Variants in DPYSL5 observed in about 807,000 individuals in gnomAD.
DPYSL5 encodes the protein dihydropyrimidinase like 5.
DPYSL5 carries 9 observed loss-of-function variants against 58.4 expected under a neutral mutation model. That is an observed-to-expected ratio of 0.15 (90% CI 0.09 to 0.27). The LOEUF is 0.27. Among genes scored for constraint, DPYSL5 ranks in the 10% least tolerant of loss-of-function variants. The pLI, the probability that DPYSL5 is intolerant of heterozygous loss-of-function variation, is 1.00. For missense variants in DPYSL5, 499 were observed against 770.6 expected (o/e 0.65, Z 4.17); for synonymous variants, 293 against 301.9 (o/e 0.97, Z 0.31).
rs563155853 is a variant in DPYSL5, at chr2:26,895,780, T to C, written c.-4-2716T>C. 5.6e-4 allele frequency among the ~76,000 whole-genome samples: 78 copies of C among 139,280 alleles called. No individual in the cohort carries two copies. In the South Asian group the frequency reaches 0.014, roughly 25 times the overall value. 91.4% of individuals were successfully genotyped at this position (139,280 alleles called of 152,430 possible). ...TCTGTTCTCTATTTCTTTTTCTTTT[T>C]TTTTTTTTTTTTTTTTTTGAGATGG... On this transcript the variant is annotated intron_variant, in intron 1 of 12. Coordinates refer to ENST00000288699, the MANE Select transcript of DPYSL5 (RefSeq NM_020134.4).
In DPYSL5 at chr2:26,944,217, G is replaced by A. The variant is rs1023524822; in HGVS notation, c.1441-439G>A. On this transcript the variant is annotated intron_variant, in intron 11 of 12. Transcript: ENST00000288699. The surrounding 1 kb of genome is among the most constrained non-coding windows in gnomAD (Gnocchi z 4.4). ...GGCAGGAGAATCACTTTGCGGGGGC[G>A]GAGGTTGCAGTGAGCCAAGATCGCA... is the stretch of plus-strand genomic sequence containing the variant. Among the ~76,000 whole-genome samples the A allele has an allele frequency of 6.6e-5, 10 of 152,094 alleles. No homozygotes were observed. Among genetic ancestry groups the A allele is most frequent in the African/African-American group, 1.7e-4 (7 of 41,434 alleles).
At chr2:26,890,201 T>A (rs889576011) in intron 1 of DPYSL5, among the ~76,000 whole-genome samples, 1 of 152,174 alleles carries the variant, frequency 6.6e-6, no homozygotes, top group African/African-American at 2.4e-5. Flanking sequence ...GTGTCCCCTT[T>A]ACACTTCAGT....
chr2:26,938,766 G>T (rs1039860942), intron 8 of DPYSL5: 5 of 152,222 alleles, frequency 3.3e-5, no homozygotes, highest in African/African-American at 1.2e-4. Context: ...AGGCTCTGGG[G>T]CCTCTTACAG....
chr2:26,931,951 T>TCCTGG (rs1665000634), intron 6 of DPYSL5, among the ~76,000 whole-genome samples: 2 of 131,830 alleles, frequency 1.5e-5, no homozygotes, highest in Admixed American at 1.8e-4. Flanking sequence ...GAGGTTGCAG[T>TCCTGG]GAGCCAAGAT....
Position 26,947,209 on chromosome 2 carries a change from G to A in DPYSL5, c.*214G>A. ...TTTGAGATGTGTTCCTCCTGCTGTA[G>A]TCCTTTCTGCCTTGGCCTCGGCGGG... On this transcript the variant is annotated 3_prime_UTR_variant, in exon 13 of 13. Coordinates refer to ENST00000288699, the MANE Select transcript of DPYSL5 (RefSeq NM_020134.4). This position sits in a 1 kb window ranked among gnomAD's most constrained non-coding sequence, Gnocchi z 4.2. The A allele has an allele frequency of 1.9e-6, 1 of 538,488 alleles. No individual in the cohort carries two copies. The highest frequency in any genetic ancestry group is 3.1e-5 in the East Asian group (1 of 31,864). 33.4% of individuals were successfully genotyped at this position (538,488 alleles called of 1,614,324 possible).
At chr2:26,883,084 T>G (rs1013053279) in intron 1 of DPYSL5, among the ~76,000 whole-genome samples, 1 of 152,116 alleles carries the variant, frequency 6.6e-6, no homozygotes, top group African/African-American at 2.4e-5. Context: ...TTTTTAAAGT[T>G]TTAAATGTTT....
Position 26,933,238 on chromosome 2 carries a change from C to A in DPYSL5, c.715-20C>A, listed in dbSNP as rs1301004107. 1 of 1,612,484 alleles carries A rather than the reference C, an allele frequency of 6.2e-7. No homozygotes were observed. The highest frequency in any genetic ancestry group is 1.1e-5 in the South Asian group (1 of 91,064). On this transcript the variant is annotated intron_variant, in intron 6 of 12. Coordinates refer to ENST00000288699, the MANE Select transcript of DPYSL5 (RefSeq NM_020134.4). This position sits in a 1 kb window ranked among gnomAD's most constrained non-coding sequence, Gnocchi z 4.2. ...TTTATGGGTCAACCCTCCCTACTTCCCACTGTTTCTTGTGTTTAGACTCAC... is the reference window on the plus strand; with the variant it reads ...TTTATGGGTCAACCCTCCCTACTTCACACTGTTTCTTGTGTTTAGACTCAC...
intron 1 of DPYSL5, among the ~76,000 whole-genome samples, chr2:26,869,715 A>G (rs1464479456): frequency 6.6e-6 from 1 of 152,226 alleles, no homozygotes; most frequent in Non-Finnish European, 1.5e-5. Context: ...TTATACAACT[A>G]TAACATAATG....
At chr2:26,858,170 ATTTT>A (rs70953831) in intron 1 of DPYSL5, among the ~76,000 whole-genome samples, 1 of 127,120 alleles carries the variant, frequency 7.9e-6, no homozygotes, top group Non-Finnish European at 1.6e-5. Flanking sequence ...CAGACTTAAC[ATTTT>A]TTTTTTTTTT....
intron 6 of DPYSL5, among the ~76,000 whole-genome samples, chr2:26,932,208 A>AAAAGAAAG (rs144602360): frequency 2.9e-5 from 2 of 70,170 alleles, no homozygotes; most frequent in African/African-American, 5.7e-5. Flanking sequence ...AGAAAGAAAG[A>AAAAGAAAG]AAAGAAAGAA....
At chr2:26,885,253 C>A (rs1003380287) in intron 1 of DPYSL5, among the ~76,000 whole-genome samples, 1 of 152,064 alleles carries the variant, frequency 6.6e-6, no homozygotes, top group Non-Finnish European at 1.5e-5. Flanking sequence ...CCTTGTTAAC[C>A]ATATTCACAC....
chr2:26,849,452 G>A lies in DPYSL5; in HGVS notation c.-5+1198G>A, dbSNP rs953759360. On this transcript the variant is annotated intron_variant, in intron 1 of 12. Transcript: ENST00000288699. The surrounding 1 kb of genome is among the most constrained non-coding windows in gnomAD (Gnocchi z 6.2). ...CCGGCTGGGCGTGGCCCTCGGACCG[G>A]GGTTAGGGACCCAGGATGGCAGATC... Among the ~76,000 whole-genome samples the A allele has an allele frequency of 1.3e-5, 2 of 152,116 alleles. No homozygotes were observed. Among genetic ancestry groups the A allele is most frequent in the African/African-American group, 2.4e-5 (1 of 41,438 alleles).
At chr2:26,930,568 T>C (rs112368918) in intron 5 of DPYSL5, among the ~76,000 whole-genome samples, 2,966 of 152,294 alleles carry the variant, frequency 0.019, 69 homozygotes, top group African/African-American at 0.061. Context: ...CTCACACCTG[T>C]AATCCCAGCA....
chr2:26,875,703 G>A (rs1200941539), intron 1 of DPYSL5, among the ~76,000 whole-genome samples: 2 of 152,184 alleles, frequency 1.3e-5, no homozygotes, highest in African/African-American at 4.8e-5. Flanking sequence ...GGTGGTGGCT[G>A]GGGGTGGGAA....
chr2:26,887,551 G>A (rs1388915868), intron 1 of DPYSL5, among the ~76,000 whole-genome samples: 3 of 152,220 alleles, frequency 2.0e-5, no homozygotes, highest in African/African-American at 4.8e-5. Flanking sequence ...GGAGTGTATG[G>A]TGTGTGCATT....
intron 1 of DPYSL5, among the ~76,000 whole-genome samples, chr2:26,867,600 C>T (rs547852072): frequency 0.011 from 1,717 of 150,844 alleles, 21 homozygotes; most frequent in South Asian, 0.036. Context: ...GGACTACAGG[C>T]GCCCGCCACT....
chr2:26,946,488 C>A (rs1286089987), intron 12 of DPYSL5, among the ~76,000 whole-genome samples: 1 of 151,988 alleles, frequency 6.6e-6, no homozygotes, highest in Admixed American at 6.6e-5. Context: ...AGATGCGGGG[C>A]CTTTGGGCTG....
chr2:26,943,644 G>A (rs1665384078), intron 11 of DPYSL5, among the ~76,000 whole-genome samples: 1 of 152,188 alleles, frequency 6.6e-6, no homozygotes, highest in Non-Finnish European at 1.5e-5. Context: ...TGCCTCTCAT[G>A]TGCCAGAGCA....
chr2:26,932,671 A>G, intron 6 of DPYSL5, among the ~76,000 whole-genome samples: 1 of 152,200 alleles, frequency 6.6e-6, no homozygotes, highest in East Asian at 1.9e-4. Context: ...TGCTCAGAGG[A>G]GTTAAGCCAT....
Sources: allele counts gnomAD v4.1 joint callset (sites outside exome capture counted in the v4.1 genomes callset), GRCh38; gene constraint gnomAD v4.1.1; non-coding constraint Gnocchi (gnomAD v3.1); transcripts MANE v1.5; gene names NCBI Gene and HGNC (gene_info 2026-07-23, HGNC 2026-07-21).